GDAP1: variants seen among roughly 807,000 people sequenced by gnomAD.
GDAP1 encodes ganglioside induced differentiation associated protein 1, also known as ganglioside-induced differentiation-associated protein 1.
A neutral mutation model predicts 40.1 loss-of-function variants in GDAP1; 34 were observed. That is an observed-to-expected ratio of 0.85 (90% CI 0.64 to 1.13). The LOEUF (loss-of-function observed/expected upper bound fraction) is 1.13, where lower values mean the gene tolerates loss of function less well. Ranked by LOEUF, GDAP1 falls within the 50% of genes most tolerant of loss-of-function variation. GDAP1 has a pLI of 0.00. For missense variants in GDAP1, 374 were observed against 433.7 expected (o/e 0.86, Z 1.22); for synonymous variants, 170 against 157.4 (o/e 1.08, Z -0.60).
At chr8:74,396,849 C>A (rs1297271594) in intron 2 of GDAP1, among the ~76,000 whole-genome samples, 6 of 152,134 alleles carry the variant, frequency 3.9e-5, no homozygotes, top group African/African-American at 1.2e-4. Flanking sequence ...AGCATGATTT[C>A]TAGTCCTTTG....
rs896431562 is a variant in GDAP1, at chr8:74,350,550, A to G, written c.89A>G (p.His30Arg). The change falls in exon 1 of 6, where the codon CAT (histidine) becomes CGT (arginine). Residue 30 changes from histidine (H) to arginine (R), a missense_variant. Transcript: ENST00000220822. ...ADAEVKLILY[H>R]WTHSFSSQKV... ...GCGGAGGTTAAGCTCATTCTGTACC[A>G]TTGGACGCATTCCTTCAGCTCTCAA... The G allele has an allele frequency of 6.2e-7, 1 of 1,608,404 alleles. No individual in the cohort carries two copies. Among genetic ancestry groups the G allele is most frequent in the African/African-American group, 1.3e-5 (1 of 74,946 alleles).
intron 2 of GDAP1, among the ~76,000 whole-genome samples, chr8:74,420,087 T>C (rs1805836432): frequency 6.6e-6 from 1 of 152,206 alleles, no homozygotes; most frequent in South Asian, 2.1e-4. Flanking sequence ...GATTCGGAAA[T>C]ATGAGGCCTC....
At chr8:74,357,863 T>C (rs1295734166) in intron 2 of GDAP1, among the ~76,000 whole-genome samples, 2 of 152,222 alleles carry the variant, frequency 1.3e-5, no homozygotes, top group South Asian at 2.1e-4. Flanking sequence ...ATAAAGGTAC[T>C]CTACGGAAGA....
At chr8:74,357,024 AT>A (rs1563440620) in intron 2 of GDAP1, among the ~76,000 whole-genome samples, 1 of 152,006 alleles carries the variant, frequency 6.6e-6, no homozygotes, top group South Asian at 2.1e-4. Flanking sequence ...CTATTATTGA[AT>A]TTTTTAAAAA....
intron 2 of GDAP1, among the ~76,000 whole-genome samples, chr8:74,392,486 AT>A (rs111541160): frequency 0.042 from 6,352 of 152,296 alleles, 429 homozygotes; most frequent in African/African-American, 0.14. Flanking sequence ...TGTTTTCCTG[AT>A]TACTGTTGTT....
Position 74,476,147 on chromosome 8 carries a change from T to C in GDAP1, c.166-12531T>C, listed in dbSNP as rs115136497. 3.8e-3 allele frequency among the ~76,000 whole-genome samples: 579 copies of C among 152,344 alleles called. 2 individuals are homozygous for C. The highest frequency in any genetic ancestry group is 0.013 in the African/African-American group (557 of 41,590). ...TTTCCTCTTGGTTGGCAGATTTTTC[T>C]CCATCCCTTTATTTTGAGCCTATGT... On this transcript the variant is annotated intron_variant, in intron 2 of 2. Transcript: ENST00000523640.
intron 2 of GDAP1, among the ~76,000 whole-genome samples, chr8:74,384,009 C>T (rs938771907): frequency 2.6e-5 from 4 of 152,090 alleles, no homozygotes; most frequent in Non-Finnish European, 4.4e-5. Flanking sequence ...TTTCCTGCCT[C>T]TGAAATGATG....
chr8:74,355,574 A>G (rs1809056527), intron 2 of GDAP1, among the ~76,000 whole-genome samples: 2 of 152,224 alleles, frequency 1.3e-5, no homozygotes, highest in Non-Finnish European at 2.9e-5. Flanking sequence ...AAACTAGGTA[A>G]ACTGAGAAAG....
intron 2 of GDAP1, among the ~76,000 whole-genome samples, chr8:74,374,636 T>C (rs570419462): frequency 1.8e-4 from 27 of 152,150 alleles, no homozygotes; most frequent in African/African-American, 6.3e-4. Flanking sequence ...AAATATAAAT[T>C]ACCAATATCA....
chr8:74,406,249 C>A (rs1320475614), intron 2 of GDAP1, among the ~76,000 whole-genome samples: 1 of 150,232 alleles, frequency 6.7e-6, no homozygotes, highest in Non-Finnish European at 1.5e-5. Context: ...GTCTTTTCAA[C>A]AGCATGGCCA....
Position 74,366,333 on chromosome 8 carries a change from A to T in GDAP1, c.*1966A>T. On this transcript the variant is annotated 3_prime_UTR_variant, in exon 6 of 6. Transcript: ENST00000220822. The stretch of plus-strand genomic sequence containing the variant: ...CTAAGATTGAGTGTTCTTTTTGTTC[A>T]GCAACTCTTCTAAAATGTTTCAAGC... The T allele has an allele frequency of 2.2e-6, 1 of 454,470 alleles. No homozygotes were observed. Among genetic ancestry groups the T allele is most frequent in the Non-Finnish European group, 4.4e-6 (1 of 226,756 alleles). The allele number at this position is 454,470 out of a possible 1,614,324, so 28.2% of individuals were successfully genotyped here. A position where few individuals can be genotyped will look rare whatever the true frequency, so the allele number is the denominator to read the frequency against.
At chr8:74,475,518 T>G (rs1271998513) in intron 2 of GDAP1, among the ~76,000 whole-genome samples, 1 of 152,220 alleles carries the variant, frequency 6.6e-6, no homozygotes, top group Admixed American at 6.5e-5. Context: ...ACTTCTTGAT[T>G]CCTGCCTTAA....
intron 2 of GDAP1, among the ~76,000 whole-genome samples, chr8:74,377,920 A>G (rs1018267591): frequency 2.0e-5 from 3 of 152,126 alleles, no homozygotes; most frequent in African/African-American, 7.3e-5. Context: ...CTATTCATAC[A>G]GTGGAATACA....
chr8:74,350,733 C>T (rs929987074), intron 1 of GDAP1, among the ~76,000 whole-genome samples, 155 bp downstream of exon 1: 2 of 152,172 alleles, frequency 1.3e-5, no homozygotes, highest in African/African-American at 4.8e-5. Flanking sequence ...GGGACGCGCC[C>T]GGGTGGGGAG....
chr8:74,443,670 G>T (rs1181968769), intron 2 of GDAP1, among the ~76,000 whole-genome samples: 4 of 152,100 alleles, frequency 2.6e-5, no homozygotes, highest in Non-Finnish European at 5.9e-5. Context: ...AAGATTGATG[G>T]TCATGATCCA....
At chr8:74,370,367 T>C (rs1371062522), downstream of GDAP1, among the ~76,000 whole-genome samples, 2 of 152,190 alleles carry the variant, frequency 1.3e-5, no homozygotes, top group African/African-American at 2.4e-5. Context: ...GTTAGTGATA[T>C]GTAAAGAATG....
intron 2 of GDAP1, chr8:74,376,740 G>A (rs1809860409): frequency 6.6e-6 from 1 of 152,150 alleles, no homozygotes; most frequent in African/African-American, 2.4e-5. Context: ...ACCAGTTACA[G>A]ATTTTTTTGT....
chr8:74,468,514 C>A (rs1806502679), intron 2 of GDAP1, among the ~76,000 whole-genome samples: 1 of 131,538 alleles, frequency 7.6e-6, no homozygotes, highest in Non-Finnish European at 1.7e-5. Context: ...CACACACACA[C>A]ACACACACAC....
intron 2 of GDAP1, among the ~76,000 whole-genome samples, chr8:74,471,021 A>G (rs1042286517): frequency 6.6e-6 from 1 of 151,972 alleles, no homozygotes. Context: ...GCATTTTTTC[A>G]TGTGTCTTTT....
Sources: allele counts gnomAD v4.1 joint callset (sites outside exome capture counted in the v4.1 genomes callset), GRCh38; gene constraint gnomAD v4.1.1; transcripts MANE v1.5; gene names NCBI Gene and HGNC (gene_info 2026-07-23, HGNC 2026-07-21).